DDX4: variants seen among roughly 807,000 people sequenced by gnomAD.
The protein encoded by DDX4 is probable ATP-dependent RNA helicase DDX4.
Under a neutral mutation model 100.0 loss-of-function variants are expected in DDX4, and 25 were observed. That is an observed-to-expected ratio of 0.25 (90% CI 0.18 to 0.35). The LOEUF (loss-of-function observed/expected upper bound fraction) is 0.35. DDX4 is among the 10% of genes least tolerant of loss of function. The probability of loss-of-function intolerance (pLI) is 1.00; values close to 1 mark genes in which losing one functional copy is unlikely to be tolerated. For synonymous variants in DDX4, 259 were observed against 275.7 expected (o/e 0.94, Z 0.60); for missense variants, 635 against 882.4 (o/e 0.72, Z 3.55).
chr5:55,798,435 A>G lies in DDX4; in HGVS notation c.1479A>G (p.Ala493=), dbSNP rs1743100454. Reference sequence around the variant, plus strand: ...TCTTTTGTTTTTCAAGGTTGGCTGCAGAGTTTTTAAAGTCAAATTATCTGT... The same window carrying G: ...TCTTTTGTTTTTCAAGGTTGGCTGCGGAGTTTTTAAAGTCAAATTATCTGT... ...TFPEEIQRLA[A]EFLKSNYLFV... Residue 493 remains alanine, a synonymous_variant, in exon 18 of 22, where the codon GCA becomes GCG. Transcript: ENST00000505374. The G allele has an allele frequency of 1.9e-6, 3 of 1,611,726 alleles. No homozygotes were observed. Among genetic ancestry groups the G allele is most frequent in the Non-Finnish European group, 2.5e-6 (3 of 1,178,938 alleles).
intron 10 of DDX4, among the ~76,000 whole-genome samples, chr5:55,784,477 A>G (rs1561501339): frequency 6.6e-6 from 1 of 152,236 alleles, no homozygotes; most frequent in South Asian, 2.1e-4. Context: ...ATGGTTTATC[A>G]GCTACCTGGG....
At chr5:55,804,263 T>G (rs1272602506) in intron 18 of DDX4, among the ~76,000 whole-genome samples, 1 of 152,012 alleles carries the variant, frequency 6.6e-6, no homozygotes. Context: ...TTTCTCCCGT[T>G]TTGTAGGTTG....
At chr5:55,778,095 T>C (rs1741681181) in intron 7 of DDX4, among the ~76,000 whole-genome samples, 1 of 152,124 alleles carries the variant, frequency 6.6e-6, no homozygotes, top group South Asian at 2.1e-4. Flanking sequence ...TGATCATCTT[T>C]TAAGGATGAC....
At chr5:55,810,633 C>T (rs1744069231) in intron 18 of DDX4, among the ~76,000 whole-genome samples, 1 of 152,086 alleles carries the variant, frequency 6.6e-6, no homozygotes, top group Non-Finnish European at 1.5e-5. Context: ...TCTGGTTTGA[C>T]AACTCTTACC....
intron 18 of DDX4, among the ~76,000 whole-genome samples, chr5:55,812,094 G>A (rs181286514): frequency 8.3e-4 from 126 of 152,028 alleles, no homozygotes; most frequent in African/African-American, 2.8e-3. Context: ...CTTGTAATAC[G>A]TTTTTTCAAA....
intron 17 of DDX4, among the ~76,000 whole-genome samples, chr5:55,795,236 A>T (rs1458552618): frequency 2.6e-5 from 4 of 152,124 alleles, no homozygotes; most frequent in Non-Finnish European, 4.4e-5. Flanking sequence ...GAGTGCTGGG[A>T]TTGTAAGCGT....
intron 18 of DDX4, among the ~76,000 whole-genome samples, chr5:55,810,591 A>G (rs1018966642): frequency 5.3e-5 from 8 of 152,082 alleles, no homozygotes; most frequent in Non-Finnish European, 7.4e-5. Context: ...CATTTTATCT[A>G]TTCTCTTTAA....
In DDX4 at chr5:55,759,453, A is replaced by G. The variant is rs80347775; in HGVS notation, c.128-747A>G. On this transcript the variant is annotated intron_variant, in intron 3 of 21. Transcript: ENST00000505374. Reference sequence around the variant, plus strand: ...ATTTAATAGCTTTTGATTTGATTGCATTGTGATAAGAGAATCTCATGTATA... The same window carrying G: ...ATTTAATAGCTTTTGATTTGATTGCGTTGTGATAAGAGAATCTCATGTATA... Among the ~76,000 whole-genome samples, 6 of 151,970 alleles carry G rather than the reference A, an allele frequency of 3.9e-5. 1 individual carries two copies. In the East Asian group the frequency reaches 1.2e-3, roughly 29 times the overall value.
chr5:55,789,703 T>C (rs1027172985), intron 15 of DDX4, among the ~76,000 whole-genome samples: 36 of 152,194 alleles, frequency 2.4e-4, no homozygotes, highest in African/African-American at 8.7e-4. Context: ...ATTACAAATT[T>C]CAAGGCAGCG....
intron 8 of DDX4, 93 bp downstream of exon 8, chr5:55,780,158 T>G: frequency 2.6e-6 from 4 of 1,525,722 alleles, no homozygotes; most frequent in Non-Finnish European, 3.5e-6. Context: ...GTTATGAGGA[T>G]TATATGAGAA....
chr5:55,771,710 C>G (rs1025355620), intron 7 of DDX4, among the ~76,000 whole-genome samples: 1 of 152,090 alleles, frequency 6.6e-6, no homozygotes, highest in Non-Finnish European at 1.5e-5. Context: ...TTTTCTTTTT[C>G]TCTCCTTTTA....
chr5:55,814,968 G>A lies in DDX4; in HGVS notation c.1783G>A (p.Val595Ile). Residue 595 changes from valine to isoleucine, a missense_variant, in exon 20 of 22, where the codon GTT becomes ATT. Physicochemically the swap from Val to Ile is conservative, Grantham distance 29 (BLOSUM62 3). Coordinates refer to ENST00000505374, the MANE Select transcript of DDX4 (RefSeq NM_024415.3). ...TCGCTTTGGAAAGTGCCCAGTTCTT[G>A]TTGCTACTTCAGTAGCTGCCAGAGG... ...DFRFGKCPVLVATSVAARGLD... is the reference protein window; with the variant it reads ...DFRFGKCPVLIATSVAARGLD... The A allele has an allele frequency of 6.2e-7, 1 of 1,614,160 alleles. No individual in the cohort carries two copies. Among genetic ancestry groups the A allele is most frequent in the Non-Finnish European group, 8.5e-7 (1 of 1,180,018 alleles).
In DDX4 at chr5:55,785,281, T is replaced by G; in HGVS notation, c.626-16T>G. 2.6e-6 allele frequency: 4 copies of G among 1,562,892 alleles called. No homozygotes were observed. Among genetic ancestry groups the G allele is most frequent in the Admixed American group, 1.7e-5 (1 of 59,408 alleles). On this transcript the variant is annotated splice_polypyrimidine_tract_variant and intron_variant, in intron 10 of 21. Transcript: ENST00000505374. ...TTACATCTTGACCGATTGTCACTTA[T>G]GAATTTCTTTAATAGGTGGTTACAA...
intron 3 of DDX4, among the ~76,000 whole-genome samples, chr5:55,756,214 A>G (rs1185968501): frequency 6.6e-6 from 1 of 152,122 alleles, no homozygotes; most frequent in African/African-American, 2.4e-5. Flanking sequence ...TCTGAATGTG[A>G]TTGGCAGAAC....
intron 18 of DDX4, among the ~76,000 whole-genome samples, chr5:55,799,705 A>G (rs34047858): frequency 2.0e-5 from 3 of 152,102 alleles, no homozygotes; most frequent in Admixed American, 2.0e-4. Flanking sequence ...CATTTTTTTT[A>G]GTTCGGTTGT....
chr5:55,785,226 C>G lies in DDX4; in HGVS notation c.626-71C>G, dbSNP rs1407811015. On this transcript the variant is annotated intron_variant, in intron 10 of 21. Transcript: ENST00000505374. ...TTTTGGAACTTGTTCTCTTTGAAGA[C>G]AAGCAACGAAAATAAAGATGTGCAC... 3 of 1,038,868 alleles carry G rather than the reference C, an allele frequency of 2.9e-6. No individual in the cohort carries two copies. In the African/African-American group the frequency reaches 4.8e-5, roughly 17 times the overall value. 64.4% of individuals were successfully genotyped at this position (1,038,868 alleles called of 1,614,324 possible). A position where few individuals can be genotyped will look rare whatever the true frequency, so the allele number is the denominator to read the frequency against.
At chr5:55,772,404 C>T (rs1301072733) in intron 7 of DDX4, among the ~76,000 whole-genome samples, 2 of 152,206 alleles carry the variant, frequency 1.3e-5, no homozygotes, top group African/African-American at 2.4e-5. Flanking sequence ...ATCTGTTTCT[C>T]TAGGTTTTAT....
intron 18 of DDX4, among the ~76,000 whole-genome samples, chr5:55,799,868 T>G (rs1412021841): frequency 1.3e-5 from 2 of 152,008 alleles, no homozygotes; most frequent in Non-Finnish European, 1.5e-5. Context: ...ATGTCAGTGT[T>G]GAGAGAGAAA....
intron 10 of DDX4, 130 bp downstream of exon 10, chr5:55,782,111 A>G (rs1404566521): frequency 1.2e-5 from 12 of 1,033,302 alleles, no homozygotes; most frequent in African/African-American, 1.6e-5. Context: ...TTGCTTTTAT[A>G]CACTGTGAGG....
Sources: allele counts gnomAD v4.1 joint callset (sites outside exome capture counted in the v4.1 genomes callset), GRCh38; gene constraint gnomAD v4.1.1; transcripts MANE v1.5; gene names NCBI Gene and HGNC (gene_info 2026-07-23, HGNC 2026-07-21).